The following RNF6 variants were observed in gnomAD, a reference collection of about 807,000 sequenced individuals.
RNF6 encodes the protein ring finger protein 6.
RNF6 carries 21 observed loss-of-function variants against 50.1 expected under a neutral mutation model. The ratio of observed to expected loss-of-function variants is 0.42; its 90% confidence interval spans 0.30 to 0.60. RNF6 has a LOEUF of 0.60. RNF6 is among the 20% of genes least tolerant of loss of function. The pLI, the probability that RNF6 is intolerant of heterozygous loss-of-function variation, is 0.20. For synonymous variants in RNF6, 255 were observed against 291.8 expected (o/e 0.87, Z 1.29); for missense variants, 698 against 838.2 (o/e 0.83, Z 2.07).
intron 5 of RNF6, among the ~76,000 whole-genome samples, chr13:26,176,962 G>T (rs1056107055): frequency 2.0e-5 from 3 of 152,044 alleles, no homozygotes; most frequent in African/African-American, 7.2e-5. Context: ...ACAAACAAAA[G>T]AATATGCCAG....
At position 26,162,385 on chromosome 13, in the gene RNF6, T is replaced by C. The variant is rs900026172; in HGVS notation, n.769-29934A>G. The stretch of plus-strand genomic sequence containing the variant: ...CTAAACTCTCCCTTTGTTTCTGTCT[T>C]CTGCCTCCTGAGGAAAACCTGGTAC... On this transcript the variant is annotated intron_variant and non_coding_transcript_variant, in intron 5 of 5. Coordinates refer to the RNF6 transcript ENST00000468480. Among the ~76,000 whole-genome samples, 34 of 152,336 alleles carry C rather than the reference T, an allele frequency of 2.2e-4. 1 individual carries two copies. Among genetic ancestry groups the C allele is most frequent in the Admixed American group, 2.2e-3 (34 of 15,298 alleles).
chr13:26,206,029 C>T (rs1869091667), intron 5 of RNF6, among the ~76,000 whole-genome samples: 1 of 152,148 alleles, frequency 6.6e-6, no homozygotes, highest in African/African-American at 2.4e-5. Flanking sequence ...TTAAAAAAAT[C>T]TGAACACAGT....
At chr13:26,211,434 G>A (rs1869317108), downstream of RNF6, among the ~76,000 whole-genome samples, 1 of 152,080 alleles carries the variant, frequency 6.6e-6, no homozygotes, top group African/African-American at 2.4e-5. Context: ...CAGGCCCAGG[G>A]AGGTAGAACT....
At chr13:26,172,835 A>G (rs55972548) in intron 5 of RNF6, among the ~76,000 whole-genome samples, 1,602 of 152,224 alleles carry the variant, frequency 0.011, 13 homozygotes, top group African/African-American at 0.016. Context: ...GAGCCACCGC[A>G]CCCGGCCTAG....
chr13:26,155,664 A>T (rs1030236344), intron 5 of RNF6, among the ~76,000 whole-genome samples: 1 of 152,220 alleles, frequency 6.6e-6, no homozygotes, highest in Non-Finnish European at 1.5e-5. Flanking sequence ...GTCTGAAGGG[A>T]TGCCATCCAA....
intron 5 of RNF6, among the ~76,000 whole-genome samples, chr13:26,200,431 C>T (rs371005964): frequency 3.2e-4 from 39 of 122,668 alleles, no homozygotes; most frequent in African/African-American, 5.4e-4. Context: ...TTTTTTGAGG[C>T]GGAGTTTTGC....
rs866166871 is a variant in RNF6, at chr13:26,215,211, G to A, written c.671C>T (p.Pro224Leu). ...RTRLASRGQN[P>L]AEGSFSTLGR... ...CAATGTTGAGAAAGATCCTTCAGCT[G>A]GATTTTGCCCCCTTGAAGCAAGCCT... is the stretch of plus-strand genomic sequence containing the variant. The change falls in exon 5 of 5, where the codon CCA becomes CTA. Residue 224 changes from proline (P) to leucine (L), a missense_variant. Pro to Leu is a moderately conservative substitution (Grantham distance 98, BLOSUM62 -3). Coordinates refer to ENST00000381588, the MANE Select transcript of RNF6 (RefSeq NM_005977.4). 2.5e-6 allele frequency: 4 copies of A among 1,614,148 alleles called. No homozygotes were observed. In the African/African-American group the frequency reaches 4.0e-5, roughly 16 times the overall value.
At chr13:26,187,493 C>A (rs1190131599) in intron 5 of RNF6, among the ~76,000 whole-genome samples, 1 of 152,178 alleles carries the variant, frequency 6.6e-6, no homozygotes, top group Non-Finnish European at 1.5e-5. Context: ...CCTTCCCTGG[C>A]CCCCTCTGGT....
At chr13:26,136,297 T>G (rs780560857) in intron 5 of RNF6, among the ~76,000 whole-genome samples, 3 of 152,220 alleles carry the variant, frequency 2.0e-5, no homozygotes, top group Non-Finnish European at 4.4e-5. Context: ...AGATGTTATA[T>G]AGATCAGAAT....
At position 26,143,787 on chromosome 13, in the gene RNF6, C is replaced by T. The variant is rs145344681; in HGVS notation, n.769-11336G>A. Among the ~76,000 whole-genome samples, 86 of 152,254 alleles carry T rather than the reference C, an allele frequency of 5.6e-4. No homozygotes were observed. The East Asian group carries it at 6.6e-3, about 12-fold the overall frequency. On this transcript the variant is annotated intron_variant and non_coding_transcript_variant, in intron 5 of 5. Coordinates refer to the RNF6 transcript ENST00000468480. ...CCAGGTCCTTCAGGGTGGTGGTGAA[C>T]GTGGTAAGACTAGTGAATTCCATGA... is the stretch of plus-strand genomic sequence containing the variant.
At chr13:26,132,453 T>C in intron 5 of RNF6, 1 of 459,620 alleles carries the variant, frequency 2.2e-6, no homozygotes, top group South Asian at 1.5e-5. Flanking sequence ...TGGCAAAGCC[T>C]ACAAAATAAA....
At chr13:26,137,339 C>T (rs1244179601) in intron 5 of RNF6, among the ~76,000 whole-genome samples, 1 of 151,562 alleles carries the variant, frequency 6.6e-6, no homozygotes. Context: ...TGAGCAGCAA[C>T]AAAAACAAAT....
At chr13:26,179,575 T>C (rs1343323336) in intron 5 of RNF6, among the ~76,000 whole-genome samples, 1 of 152,200 alleles carries the variant, frequency 6.6e-6, no homozygotes, top group Non-Finnish European at 1.5e-5. Flanking sequence ...CTCACGGCTC[T>C]GCATTCTCAG....
chr13:26,192,397 G>A (rs532220811), intron 5 of RNF6, among the ~76,000 whole-genome samples: 5 of 152,286 alleles, frequency 3.3e-5, no homozygotes, highest in African/African-American at 9.6e-5. Flanking sequence ...AAGAAAAAGA[G>A]GAGTCAAGGA....
At chr13:26,154,873 T>TA (rs1230746184) in intron 5 of RNF6, among the ~76,000 whole-genome samples, 1 of 151,734 alleles carries the variant, frequency 6.6e-6, no homozygotes, top group East Asian at 1.9e-4. Flanking sequence ...CTACTAAAAA[T>TA]AAAAAAATTA....
chr13:26,183,948 A>G (rs1207441706), intron 5 of RNF6, among the ~76,000 whole-genome samples: 1 of 144,190 alleles, frequency 6.9e-6, no homozygotes, highest in Non-Finnish European at 1.5e-5. Flanking sequence ...TTATTCATAT[A>G]TATACATACT....
intron 5 of RNF6, among the ~76,000 whole-genome samples, chr13:26,173,620 G>C (rs924414171): frequency 1.3e-5 from 2 of 152,034 alleles, no homozygotes; most frequent in African/African-American, 2.4e-5. Flanking sequence ...CAGGGGTTGG[G>C]GGCAGAAGGA....
In RNF6 at chr13:26,148,632, T is replaced by TCTCTCTCTCTCTCTC. The variant is rs1427060316; in HGVS notation, n.769-16182_769-16181insGAGAGAGAGAGAGAG. ...AATAGAAACAATAGTATAAATCTCT[T>TCTCTCTCTCTCTCTC]TATATATATATATATATATATATAT... On this transcript the variant is annotated intron_variant and non_coding_transcript_variant, in intron 5 of 5. Coordinates refer to the RNF6 transcript ENST00000468480. Among the ~76,000 whole-genome samples the TCTCTCTCTCTCTCTC allele has an allele frequency of 1.1e-3, 53 of 47,068 alleles. 1 individual carries two copies. Among genetic ancestry groups the TCTCTCTCTCTCTCTC allele is most frequent in the African/African-American group, 5.6e-3 (53 of 9,494 alleles). The allele number at this position is 47,068 out of a possible 152,430, so 30.9% of individuals were successfully genotyped here. A position where few individuals can be genotyped will look rare whatever the true frequency, so the allele number is the denominator to read the frequency against.
At chr13:26,206,753 T>C (rs1331103558) in intron 5 of RNF6, among the ~76,000 whole-genome samples, 3 of 152,084 alleles carry the variant, frequency 2.0e-5, no homozygotes, top group Admixed American at 1.3e-4. Flanking sequence ...TTATTACATA[T>C]ATATTGAGGG....
Sources: allele counts gnomAD v4.1 joint callset (sites outside exome capture counted in the v4.1 genomes callset), GRCh38; gene constraint gnomAD v4.1.1; transcripts MANE v1.5; gene names NCBI Gene and HGNC (gene_info 2026-07-23, HGNC 2026-07-21).